The following PCLO variants were observed in gnomAD, a reference collection of about 807,000 sequenced individuals.
PCLO encodes piccolo presynaptic cytomatrix protein.
PCLO carries 82 observed loss-of-function variants against 427.5 expected under a neutral mutation model. The ratio of observed to expected loss-of-function variants is 0.19; its 90% CI spans 0.16 to 0.23. The LOEUF is 0.23. PCLO is among the 10% of genes least tolerant of loss of function. The probability of loss-of-function intolerance (pLI) is 1.00; values close to 1 mark genes in which losing one functional copy is unlikely to be tolerated. For missense variants in PCLO, 6,239 were observed against 6,115.9 expected (o/e 1.02, Z -0.67); for synonymous variants, 2,357 against 2,155.4 (o/e 1.09, Z -2.59).
chr7:82,851,062 A>G (rs905831842), intron 10 of PCLO, among the ~76,000 whole-genome samples: 1 of 152,174 alleles, frequency 6.6e-6, no homozygotes, highest in Non-Finnish European at 1.5e-5. Context: ...GAGTGACTAT[A>G]AATAGATAAA....
At chr7:83,061,819 C>G (rs574306006) in intron 3 of PCLO, among the ~76,000 whole-genome samples, 1 of 152,284 alleles carries the variant, frequency 6.6e-6, no homozygotes, top group East Asian at 1.9e-4. Context: ...GATTCACTCC[C>G]TAACCATTTG....
intron 3 of PCLO, among the ~76,000 whole-genome samples, chr7:83,095,893 A>C (rs1047681802): frequency 2.0e-5 from 3 of 150,878 alleles, no homozygotes; most frequent in African/African-American, 7.3e-5. Context: ...AACTATGTAG[A>C]CTCTTGTGTT....
intron 6 of PCLO, among the ~76,000 whole-genome samples, chr7:82,930,116 C>T (rs1487732500): frequency 6.6e-6 from 1 of 152,110 alleles, no homozygotes; most frequent in Non-Finnish European, 1.5e-5. Context: ...TGAGCTGAAG[C>T]ATATAAGGCA....
At chr7:82,921,207 C>T (rs1029552068) in intron 6 of PCLO, among the ~76,000 whole-genome samples, 2 of 151,734 alleles carry the variant, frequency 1.3e-5, no homozygotes, top group Admixed American at 1.3e-4. Flanking sequence ...ACATTTTTCA[C>T]AGAATTATAA....
chr7:82,806,098 G>A (rs191712066), intron 20 of PCLO, among the ~76,000 whole-genome samples: 12 of 152,194 alleles, frequency 7.9e-5, no homozygotes, highest in Admixed American at 3.3e-4. Flanking sequence ...TAAATAGTAT[G>A]TAACTATGCT....
At chr7:82,778,655 G>A (rs757833310) in intron 22 of PCLO, among the ~76,000 whole-genome samples, 4 of 151,964 alleles carry the variant, frequency 2.6e-5, no homozygotes, top group Non-Finnish European at 5.9e-5. Flanking sequence ...ACCATTCACA[G>A]TTATTTTTTG....
chr7:82,820,617 T>G lies in PCLO; in HGVS notation c.14791+1878A>C, dbSNP rs1013750653. 8.9e-6 allele frequency: 11 copies of G among 1,230,068 alleles called. No individual in the cohort carries two copies. In the East Asian group the frequency reaches 1.9e-4, roughly 21 times the overall value. 76.2% of individuals were successfully genotyped at this position (1,230,068 alleles called of 1,614,324 possible). On this transcript the variant is annotated intron_variant, in intron 20 of 24. Transcript: ENST00000333891. The stretch of plus-strand genomic sequence containing the variant: ...TAGGATCAAGAGAGAACTTTCACCA[T>G]GTAAAGGTAAATGAGTGCATTAACA...
At position 83,135,107 on chromosome 7, in the gene PCLO, G is replaced by C; in HGVS notation, c.2443C>G (p.Pro815Ala). The C allele has an allele frequency of 6.2e-7, 1 of 1,613,930 alleles. No individual in the cohort carries two copies. The highest frequency in any genetic ancestry group is 1.7e-5 in the Admixed American group (1 of 60,012). ...CGAGGTATGGCTTTAGAATCAAATG[G>C]GCTGACTTTTTCCCCTGTTGGTGGA... The part of the protein sequence containing the change: ...SFPPTGEKVS[P>A]FDSKAIPRPA... The change falls in exon 3 of 25, where the codon CCA (proline) becomes GCA (alanine). Residue 815 changes from proline to alanine, a missense_variant. Physicochemically the swap from Pro to Ala is conservative, Grantham distance 27. This residue lies in a region of PCLO where 4,677 missense variants were observed against 4,468.4 expected (regional missense o/e 1.05). Transcript: ENST00000333891.
chr7:82,958,523 G>A (rs1795583796), intron 4 of PCLO, among the ~76,000 whole-genome samples: 1 of 152,010 alleles, frequency 6.6e-6, no homozygotes, highest in Non-Finnish European at 1.5e-5. Context: ...TCTATCCTGA[G>A]CATATTACAG....
chr7:83,001,126 T>C (rs1276138364), intron 3 of PCLO, among the ~76,000 whole-genome samples: 1 of 152,050 alleles, frequency 6.6e-6, no homozygotes, highest in African/African-American at 2.4e-5. Flanking sequence ...TAACATCAAA[T>C]AAAATAAAAA....
chr7:83,126,451 T>G (rs908056743), intron 3 of PCLO, among the ~76,000 whole-genome samples: 1 of 152,180 alleles, frequency 6.6e-6, no homozygotes, highest in African/African-American at 2.4e-5. Context: ...GATGTGATTA[T>G]TATATATTGT....
chr7:83,047,245 G>C (rs527447832), intron 3 of PCLO, among the ~76,000 whole-genome samples: 1 of 152,060 alleles, frequency 6.6e-6, no homozygotes, highest in South Asian at 2.1e-4. Context: ...TAGCATCAAA[G>C]TACTTATGAG....
At chr7:82,847,302 A>T (rs1317519978) in intron 10 of PCLO, 55 bp from the exon 11 acceptor site, 1 of 959,474 alleles carries the variant, frequency 1.0e-6, no homozygotes, top group Admixed American at 2.1e-5. Context: ...TAGTCTGGGT[A>T]CATATGGCAT....
intron 3 of PCLO, among the ~76,000 whole-genome samples, chr7:83,126,580 T>TAAAAAAA (rs1011397425): frequency 6.6e-6 from 1 of 151,652 alleles, no homozygotes; most frequent in Non-Finnish European, 1.5e-5. Context: ...TGCATAAAAA[T>TAAAAAAA]AAAAAAATTC....
At chr7:82,834,953 TTTG>T (rs1412243592) in intron 16 of PCLO, among the ~76,000 whole-genome samples, 2 of 120,888 alleles carry the variant, frequency 1.7e-5, no homozygotes, top group African/African-American at 5.5e-5. Context: ...TATCTTTTTT[TTTG>T]TTTGTTTGTT....
intron 3 of PCLO, among the ~76,000 whole-genome samples, chr7:82,984,050 G>T (rs1337717695): frequency 1.3e-5 from 2 of 151,854 alleles, no homozygotes; most frequent in Non-Finnish European, 2.9e-5. Flanking sequence ...TCCTAGCTAG[G>T]AGAAAAAAAT....
chr7:83,016,350 TAAG>T (rs1399636442), intron 3 of PCLO, among the ~76,000 whole-genome samples: 1 of 152,138 alleles, frequency 6.6e-6, no homozygotes, highest in Non-Finnish European at 1.5e-5. Context: ...TCAATTACTG[TAAG>T]AAGAACTCAG....
At chr7:82,932,847 AT>A (rs1037423393) in intron 6 of PCLO, among the ~76,000 whole-genome samples, 1 of 152,014 alleles carries the variant, frequency 6.6e-6, no homozygotes, top group Non-Finnish European at 1.5e-5. Context: ...TTTATATTTC[AT>A]TTTTTTACAA....
intron 3 of PCLO, among the ~76,000 whole-genome samples, chr7:83,015,391 A>T (rs921980062): frequency 6.6e-6 from 1 of 151,732 alleles, no homozygotes; most frequent in African/African-American, 2.4e-5. Flanking sequence ...AGGGAATCTG[A>T]CCACTACATG....
Sources: allele counts gnomAD v4.1 joint callset (sites outside exome capture counted in the v4.1 genomes callset), GRCh38; gene constraint gnomAD v4.1.1; regional missense constraint gnomAD v4.1.1; transcripts MANE v1.5; gene names NCBI Gene and HGNC (gene_info 2026-07-23, HGNC 2026-07-21).